The following AKAP13 variants were observed in gnomAD, a reference collection of about 807,000 sequenced individuals.
AKAP13 encodes the protein A-kinase anchoring protein 13.
Under a neutral mutation model 264.5 loss-of-function variants are expected in AKAP13, and 80 were observed. That is an observed-to-expected ratio of 0.30 (90% confidence interval 0.25 to 0.36). The LOEUF (loss-of-function observed/expected upper bound fraction) is 0.36. Among genes scored for constraint, AKAP13 ranks in the 10% least tolerant of loss-of-function variants. The pLI is 1.00. For synonymous variants in AKAP13, 1,380 were observed against 1,250.2 expected, an observed-to-expected ratio of 1.10 and a Z score of -2.19; for missense variants, 3,712 against 3,435.2, an observed-to-expected ratio of 1.08 and a Z score of -2.01.
At chr15:85,494,487 A>T (rs1257698141) in intron 2 of AKAP13, among the ~76,000 whole-genome samples, 21 of 152,202 alleles carry the variant, frequency 1.4e-4, no homozygotes, top group Admixed American at 1.4e-3. Context: ...TGCCAGAGAA[A>T]GTCACTTCCT....
chr15:85,451,154 T>A (rs2074075817), intron 1 of AKAP13, among the ~76,000 whole-genome samples: 1 of 152,266 alleles, frequency 6.6e-6, no homozygotes, highest in Admixed American at 6.5e-5. Context: ...GAGTCTGTTT[T>A]GTTTGAAATT....
rs918882340 is a variant in AKAP13, at chr15:85,749,307, T to C, written c.*4630T>C. ...TCTAGTTACCAGCTTCAGACCCTTGTAAAGTCTCCCTCAGCCCTTTCAAAA... is the reference window on the plus strand; with the variant it reads ...TCTAGTTACCAGCTTCAGACCCTTGCAAAGTCTCCCTCAGCCCTTTCAAAA... On this transcript the variant is annotated 3_prime_UTR_variant, in exon 37 of 37. Coordinates refer to ENST00000394518, the MANE Select transcript of AKAP13 (RefSeq NM_007200.5). 6.6e-6 allele frequency: 1 copy of C among 152,232 alleles called. No homozygotes were observed. Among genetic ancestry groups the C allele is most frequent in the Non-Finnish European group, 1.5e-5 (1 of 68,042 alleles). 9.4% of individuals were successfully genotyped at this position (152,232 alleles called of 1,614,324 possible).
intron 5 of AKAP13, among the ~76,000 whole-genome samples, chr15:85,550,700 T>C (rs1261258554): frequency 6.6e-6 from 1 of 152,212 alleles, no homozygotes; most frequent in African/African-American, 2.4e-5. Flanking sequence ...GAAACAAATG[T>C]ACAGACATAC....
At chr15:85,585,535 T>A (rs1036741455) in intron 7 of AKAP13, among the ~76,000 whole-genome samples, 167 bp from the exon 8 acceptor site, 6 of 152,136 alleles carry the variant, frequency 3.9e-5, no homozygotes, top group African/African-American at 9.7e-5. Flanking sequence ...AAGGAATAGC[T>A]CAGCATAGGG....
At chr15:85,511,794 A>G (rs190097218) in intron 2 of AKAP13, among the ~76,000 whole-genome samples, 53 of 152,090 alleles carry the variant, frequency 3.5e-4, no homozygotes, top group African/African-American at 1.2e-3. Flanking sequence ...GCCTGGCCCA[A>G]ATTATTTTTA....
intron 8 of AKAP13, among the ~76,000 whole-genome samples, chr15:85,596,814 C>T (rs1248362623): frequency 6.6e-6 from 1 of 151,968 alleles, no homozygotes; most frequent in Non-Finnish European, 1.5e-5. Flanking sequence ...TTTGGCTTGG[C>T]GCTTTCATTT....
At chr15:85,494,496 C>T (rs1337123468) in intron 2 of AKAP13, among the ~76,000 whole-genome samples, 1 of 152,206 alleles carries the variant, frequency 6.6e-6, no homozygotes, top group African/African-American at 2.4e-5. Flanking sequence ...AAGTCACTTC[C>T]TCTGTCCTCT....
intron 13 of AKAP13, among the ~76,000 whole-genome samples, chr15:85,668,355 A>G (rs114410225): frequency 7.9e-4 from 120 of 152,300 alleles, no homozygotes; most frequent in African/African-American, 2.7e-3. Flanking sequence ...TGATAAAGTC[A>G]GTTAACAATT....
rs114675537 is a variant in AKAP13 at position 85,555,316 on chromosome 15, A to G, written c.662+11361A>G. 1,906 of 681,524 alleles carry G rather than the reference A, an allele frequency of 2.8e-3. 21 individuals carry two copies. Among genetic ancestry groups the G allele is most frequent in the African/African-American group, 0.025 (1,361 of 53,488 alleles). 42.2% of individuals were successfully genotyped at this position (681,524 alleles called of 1,614,324 possible). A position where few individuals can be genotyped will look rare whatever the true frequency, so the allele number is the denominator to read the frequency against. The stretch of plus-strand genomic sequence containing the variant: ...GATGTGGTTTTGAGAAGATATTGCA[A>G]TAGCCCTCAGAAAAGGAACTAGATG... On this transcript the variant is annotated intron_variant, in intron 5 of 36. Transcript: ENST00000394518.
chr15:85,497,853 A>C (rs1159765355), intron 2 of AKAP13, among the ~76,000 whole-genome samples: 1 of 152,156 alleles, frequency 6.6e-6, no homozygotes, highest in Non-Finnish European at 1.5e-5. Context: ...TTGACCAGGC[A>C]AATAGTAGCA....
rs752576008 is a variant in AKAP13 at position 85,669,850 on chromosome 15, A to G, written c.5101+20A>G. The G allele has an allele frequency of 1.3e-6, 2 of 1,513,882 alleles. No individual in the cohort carries two copies. Among genetic ancestry groups the G allele is most frequent in the East Asian group, 4.6e-5 (2 of 43,054 alleles). The allele number at this position is 1,513,882 out of a possible 1,614,324, so 93.8% of individuals were successfully genotyped here. On this transcript the variant is annotated intron_variant, in intron 14 of 36. Coordinates refer to ENST00000394518, the MANE Select transcript of AKAP13 (RefSeq NM_007200.5). Reference sequence around the variant, plus strand: ...TGGACAGTGAGTATACTACTTTTTAAAAAAATTAAATATATTAAATCTTAA... The same window carrying G: ...TGGACAGTGAGTATACTACTTTTTAGAAAAATTAAATATATTAAATCTTAA...
intron 1 of AKAP13, among the ~76,000 whole-genome samples, chr15:85,457,834 G>C (rs2074335593): frequency 6.6e-6 from 1 of 152,082 alleles, no homozygotes; most frequent in African/African-American, 2.4e-5. Context: ...CCAGGGGTGA[G>C]GCACTGTCTT....
intron 19 of AKAP13, among the ~76,000 whole-genome samples, chr15:85,712,388 A>C (rs1473232763): frequency 1.3e-5 from 2 of 152,134 alleles, no homozygotes; most frequent in African/African-American, 4.8e-5. Context: ...CCCATTCCAC[A>C]TACTTTTTAT....
intron 1 of AKAP13, among the ~76,000 whole-genome samples, chr15:85,472,565 CAAGG>C (rs996116044): frequency 3.0e-4 from 45 of 152,318 alleles, no homozygotes; most frequent in African/African-American, 1.1e-3. Context: ...TCAAACTTCT[CAAGG>C]GAGGAGATGC....
intron 3 of AKAP13, among the ~76,000 whole-genome samples, chr15:85,528,983 A>C (rs938750132): frequency 6.6e-6 from 1 of 152,146 alleles, no homozygotes; most frequent in Non-Finnish European, 1.5e-5. Context: ...CAAAGGAAAA[A>C]CACCATGGAA....
intron 33 of AKAP13, among the ~76,000 whole-genome samples, chr15:85,736,705 C>A (rs890719395): frequency 3.9e-5 from 6 of 152,078 alleles, no homozygotes; most frequent in African/African-American, 1.4e-4. Context: ...GCGCTTCTTG[C>A]TTTTAATGAG....
intron 1 of AKAP13, among the ~76,000 whole-genome samples, chr15:85,455,618 C>T (rs552753227): frequency 5.9e-5 from 9 of 151,962 alleles, no homozygotes; most frequent in South Asian, 2.1e-4. Context: ...TTTTAGTTTT[C>T]CTTAGTCTCT....
intron 2 of AKAP13, among the ~76,000 whole-genome samples, chr15:85,493,143 G>T (rs2075780242): frequency 6.6e-6 from 1 of 152,164 alleles, no homozygotes; most frequent in Non-Finnish European, 1.5e-5. Flanking sequence ...GAGGTTTAAG[G>T]GGGCGTTGTC....
At chr15:85,628,575 CAGTG>C (rs2081540639) in intron 8 of AKAP13, among the ~76,000 whole-genome samples, 1 of 152,196 alleles carries the variant, frequency 6.6e-6, no homozygotes, top group Non-Finnish European at 1.5e-5. Context: ...TTCTTAGAGA[CAGTG>C]AGCCTCCTCA....
Sources: gnomAD v4.1 joint callset for allele counts (sites outside exome capture counted in the v4.1 genomes callset) on GRCh38, gnomAD v4.1.1 for gene constraint, MANE v1.5 for transcripts, NCBI Gene and HGNC (gene_info 2026-07-23, HGNC 2026-07-21) for gene names.